Variants in SPEN observed in about 807,000 individuals in gnomAD.
SPEN encodes the protein spen family transcriptional repressor.
A neutral mutation model predicts 269.9 loss-of-function variants in SPEN; 18 were observed. That is an observed-to-expected ratio of 0.07 (90% CI 0.05 to 0.10). The LOEUF is 0.10. Among genes scored for constraint, SPEN ranks in the 10% least tolerant of loss-of-function variants. The probability of loss-of-function intolerance (pLI) is 1.00; values close to 1 mark genes in which losing one functional copy is unlikely to be tolerated. For missense variants in SPEN, 3,822 were observed against 4,631.2 expected (o/e 0.83, Z 5.07); for synonymous variants, 1,726 against 1,765.7 (o/e 0.98, Z 0.56).
intron 3 of SPEN, among the ~76,000 whole-genome samples, chr1:15,881,073 A>G (rs976626077): frequency 6.6e-6 from 1 of 152,102 alleles, no homozygotes; most frequent in Non-Finnish European, 1.5e-5. Context: ...GGCTCAAACC[A>G]TCCTCCTGTT....
chr1:15,919,554 G>A (rs773380970), intron 8 of SPEN, 37 bp downstream of exon 8: 13 of 1,317,290 alleles, frequency 9.9e-6, no homozygotes, highest in Non-Finnish European at 1.4e-5. Context: ...TCAGACTTCT[G>A]ACTCACTCGT....
At chr1:15,925,558 T>C (rs546374948) in intron 10 of SPEN, among the ~76,000 whole-genome samples, 4 of 134,040 alleles carry the variant, frequency 3.0e-5, no homozygotes, top group Admixed American at 2.5e-4. Flanking sequence ...CTTCCAAAAC[T>C]TTTTTTAATA....
chr1:15,867,650 A>G (rs1383646902), intron 1 of SPEN, among the ~76,000 whole-genome samples: 2 of 149,452 alleles, frequency 1.3e-5, no homozygotes, highest in East Asian at 2.0e-4. Flanking sequence ...CTGGGTGGCT[A>G]TCTCACCAGC....
chr1:15,860,898 A>G (rs2070441923), intron 1 of SPEN, among the ~76,000 whole-genome samples: 1 of 147,546 alleles, frequency 6.8e-6, no homozygotes, highest in African/African-American at 2.5e-5. Flanking sequence ...CTGTGCCCGG[A>G]CTTTTGTTTT....
intron 1 of SPEN, among the ~76,000 whole-genome samples, chr1:15,860,968 G>A (rs1274298438): frequency 1.3e-5 from 2 of 151,688 alleles, no homozygotes; most frequent in Non-Finnish European, 2.9e-5. Context: ...GCAGTGGCAC[G>A]GTCTTGGCTC....
In SPEN at chr1:15,894,591, A is replaced by T. The variant is rs1046746887; in HGVS notation, c.882-14730A>T. Among the ~76,000 whole-genome samples, 4 of 120,276 alleles carry T rather than the reference A, an allele frequency of 3.3e-5. No individual in the cohort carries two copies. In the East Asian group the frequency reaches 1.1e-3, roughly 33 times the overall value. The allele number at this position is 120,276 out of a possible 152,430, so 78.9% of individuals were successfully genotyped here. Reference sequence around the variant, plus strand: ...GAGTCTCGCTCTTTCGCCAGGCTGGAGTGCAGTGATGTGACCCTGGCTCAC... The same window carrying T: ...GAGTCTCGCTCTTTCGCCAGGCTGGTGTGCAGTGATGTGACCCTGGCTCAC... On this transcript the variant is annotated intron_variant, in intron 3 of 14. Coordinates refer to ENST00000375759, the MANE Select transcript of SPEN (RefSeq NM_015001.3).
chr1:15,863,216 T>A (rs890088218), intron 1 of SPEN, among the ~76,000 whole-genome samples: 4 of 152,102 alleles, frequency 2.6e-5, no homozygotes, highest in African/African-American at 9.7e-5. Context: ...GCCATTGGAC[T>A]CCAGCCTGGG....
In SPEN at chr1:15,903,256, A is replaced by G. The variant is rs571397833; in HGVS notation, c.882-6065A>G. Among the ~76,000 whole-genome samples, 4 of 152,308 alleles carry G rather than the reference A, an allele frequency of 2.6e-5. No homozygotes were observed. In the South Asian group the frequency reaches 6.2e-4, roughly 24 times the overall value. ...TTCTGTTCGTTTATTAAGAATTGTTATGTAACCAGTTGCCTACTCTTATAT... is the reference window on the plus strand; with the variant it reads ...TTCTGTTCGTTTATTAAGAATTGTTGTGTAACCAGTTGCCTACTCTTATAT... On this transcript the variant is annotated intron_variant, in intron 3 of 14. Transcript: ENST00000375759.
intron 1 of SPEN, among the ~76,000 whole-genome samples, chr1:15,851,818 A>T (rs1344294322): frequency 6.6e-6 from 1 of 152,150 alleles, no homozygotes; most frequent in Non-Finnish European, 1.5e-5. Flanking sequence ...CCCCGTCTCT[A>T]CTAAAATACA....
At chr1:15,913,389 T>C (rs1037803706) in intron 5 of SPEN, among the ~76,000 whole-genome samples, 2 of 152,232 alleles carry the variant, frequency 1.3e-5, no homozygotes, top group South Asian at 2.1e-4. Context: ...TGGAAAACTT[T>C]TTTTTTTGCT....
At chr1:15,870,792 G>A (rs2070565544) in intron 1 of SPEN, among the ~76,000 whole-genome samples, 1 of 152,172 alleles carries the variant, frequency 6.6e-6, no homozygotes, top group South Asian at 2.1e-4. Flanking sequence ...AGCATACTAA[G>A]GATTTTAAAG....
At position 15,932,688 on chromosome 1, in the gene SPEN, AAAG is replaced by A; in HGVS notation, c.6453_6455del (p.Glu2151del). ...AGTTGATCCAGACAAGGAACCAGAG[AAAG>A]AAGACGTGTCTGCCTCTGGGCCGTC... On this transcript the variant is annotated inframe_deletion, in exon 11 of 15. Coordinates refer to ENST00000375759, the MANE Select transcript of SPEN (RefSeq NM_015001.3). This position sits in a 1 kb window ranked among gnomAD's most constrained non-coding sequence, Gnocchi z 4.2. The A allele has an allele frequency of 1.2e-6, 2 of 1,614,154 alleles. No homozygotes were observed. The highest frequency in any genetic ancestry group is 1.7e-6 in the Non-Finnish European group (2 of 1,180,028).
intron 1 of SPEN, among the ~76,000 whole-genome samples, chr1:15,869,269 A>T (rs1202449593): frequency 6.6e-6 from 1 of 151,968 alleles, no homozygotes; most frequent in African/African-American, 2.4e-5. Flanking sequence ...GTTGGCCAGG[A>T]TGGTCTCCAT....
In SPEN at chr1:15,934,254, G is replaced by A. The variant is rs769855469; in HGVS notation, c.8014G>A (p.Val2672Met). Reference protein sequence around the residue: ...LVPVNALKGPVKGSVTTLKSL... With the variant: ...LVPVNALKGPMKGSVTTLKSL... Reference sequence around the variant, plus strand: ...CCCGGTGAATGCCCTGAAAGGCCCCGTGAAGGGCTCAGTGACCACACTGAA... The same window carrying A: ...CCCGGTGAATGCCCTGAAAGGCCCCATGAAGGGCTCAGTGACCACACTGAA... The change falls in exon 11 of 15, where the codon GTG becomes ATG. Residue 2672 changes from valine to methionine, a missense_variant. Coordinates refer to ENST00000375759, the MANE Select transcript of SPEN (RefSeq NM_015001.3). This position sits in a 1 kb window ranked among gnomAD's most constrained non-coding sequence, Gnocchi z 9.2. 71 of 1,614,112 alleles carry A rather than the reference G, an allele frequency of 4.4e-5. No individual in the cohort carries two copies. In the South Asian group the frequency reaches 6.4e-4, roughly 14 times the overall value.
chr1:15,876,531 C>G lies in SPEN; in HGVS notation c.734C>G (p.Pro245Arg). Reference sequence around the variant, plus strand: ...TACCAGCACAGCAGGAGTCGGTCACCACATTCATCCCAGTCTAGAAATCAG... The same window carrying G: ...TACCAGCACAGCAGGAGTCGGTCACGACATTCATCCCAGTCTAGAAATCAG... ...RNYQHSRSRS[P>R]HSSQSRNQSP... The change falls in exon 3 of 15, where the codon CCA becomes CGA. Residue 245 changes from proline (P) to arginine (R), a missense_variant. Around this residue, in one of 16 missense-constraint regions of SPEN, gnomAD observed 327 missense variants for 350.8 expected, o/e 0.93. Transcript: ENST00000375759. 1 of 1,614,104 alleles carries G rather than the reference C, an allele frequency of 6.2e-7. No individual in the cohort carries two copies. Among genetic ancestry groups the G allele is most frequent in the Non-Finnish European group, 8.5e-7 (1 of 1,180,026 alleles).
chr1:15,891,552 A>G (rs971415336), intron 3 of SPEN, among the ~76,000 whole-genome samples: 4 of 151,696 alleles, frequency 2.6e-5, no homozygotes, highest in East Asian at 3.9e-4. Context: ...GGGTTTCACC[A>G]TGTTAGCCAG....
chr1:15,877,738 C>CTTTT lies in SPEN; in HGVS notation c.881+1080_881+1083dup, dbSNP rs777782248. 3.7e-4 allele frequency among the ~76,000 whole-genome samples: 40 copies of CTTTT among 106,832 alleles called. 1 individual carries two copies. The highest frequency in any genetic ancestry group is 9.4e-4 in the African/African-American group (24 of 25,500). The allele number at this position is 106,832 out of a possible 152,430, so 70.1% of individuals were successfully genotyped here. On this transcript the variant is annotated intron_variant, in intron 3 of 14. Coordinates refer to ENST00000375759, the MANE Select transcript of SPEN (RefSeq NM_015001.3). ...TATGTTCTTCAGGTCTCAGCTTTCCCTTTTTTTTTTTTTTTTTTTTTTTGA... is the reference window on the plus strand; with the variant it reads ...TATGTTCTTCAGGTCTCAGCTTTCCCTTTTTTTTTTTTTTTTTTTTTTTTTTTGA...
Position 15,931,037 on chromosome 1 carries a change from A to G in SPEN, c.4797A>G (p.Glu1599=). The change falls in exon 11 of 15, where the codon GAA becomes GAG. Residue 1599 remains glutamate, a synonymous_variant. Coordinates refer to ENST00000375759, the MANE Select transcript of SPEN (RefSeq NM_015001.3). This position sits in a 1 kb window ranked among gnomAD's most constrained non-coding sequence, Gnocchi z 4.8. The part of the protein sequence containing the change: ...ELTRMQQKEK[E]KDQKPKEVEK... The stretch of plus-strand genomic sequence containing the variant: ...CACGGATGCAACAGAAAGAAAAAGA[A>G]AAAGACCAGAAACCCAAAGAGGTTG... The G allele has an allele frequency of 6.2e-7, 1 of 1,613,550 alleles. No homozygotes were observed. The highest frequency in any genetic ancestry group is 1.3e-5 in the African/African-American group (1 of 74,904).
At chr1:15,873,911 C>T in intron 2 of SPEN, 1 of 1,136,358 alleles carries the variant, frequency 8.8e-7, no homozygotes, top group Non-Finnish European at 1.1e-6. Context: ...ATTTCTTAAG[C>T]AAGTTGCTGT....
Sources: allele counts gnomAD v4.1 joint callset (sites outside exome capture counted in the v4.1 genomes callset), GRCh38; gene constraint gnomAD v4.1.1; regional missense constraint gnomAD v4.1.1; non-coding constraint Gnocchi (gnomAD v3.1); transcripts MANE v1.5; gene names NCBI Gene and HGNC (gene_info 2026-07-23, HGNC 2026-07-21).